The following CC2D1A variants were observed in gnomAD, a reference collection of about 807,000 sequenced individuals.
The protein encoded by CC2D1A is coiled-coil and C2 domain containing 1A.
Under a neutral mutation model 123.8 loss-of-function variants are expected in CC2D1A, and 68 were observed. The observed-to-expected ratio is 0.55, with a 90% confidence interval of 0.45 to 0.67. The LOEUF is 0.67. Ranked by LOEUF, CC2D1A falls within the 30% of genes least tolerant of loss-of-function variation. The pLI is 0.00. For missense variants in CC2D1A, 1,185 were observed against 1,290.3 expected (o/e 0.92, Z 1.25); for synonymous variants, 477 against 528.0 (o/e 0.90, Z 1.32).
chr19:13,925,158 A>G (rs1031017413), intron 17 of CC2D1A, among the ~76,000 whole-genome samples: 1 of 151,790 alleles, frequency 6.6e-6, no homozygotes, highest in Non-Finnish European at 1.5e-5. Flanking sequence ...TGAGTTTTTT[A>G]TTGTTTTTCT....
Position 13,923,516 on chromosome 19 carries a change from T to C in CC2D1A, c.1765-32T>C, listed in dbSNP as rs751564489. 3.1e-6 allele frequency: 5 copies of C among 1,612,092 alleles called. No individual in the cohort carries two copies. The South Asian group carries it at 4.4e-5, about 14-fold the overall frequency. On this transcript the variant is annotated intron_variant, in intron 15 of 28. Transcript: ENST00000318003. This position sits in a 1 kb window ranked among gnomAD's most constrained non-coding sequence, Gnocchi z 5.3. Reference sequence around the variant, plus strand: ...GTGACCCTCCTTCCCCTCTCTTCCCTTCCCTCGACTCACTGCCTTCTGTTT... The same window carrying C: ...GTGACCCTCCTTCCCCTCTCTTCCCCTCCCTCGACTCACTGCCTTCTGTTT...
rs1971661540 is a variant in CC2D1A at position 13,926,850 on chromosome 19, G to T, written c.2103G>T (p.Val701=). The T allele has an allele frequency of 1.3e-5, 21 of 1,614,122 alleles. No individual in the cohort carries two copies. The highest frequency in any genetic ancestry group is 1.8e-5 in the Non-Finnish European group (21 of 1,180,036). ...AAGCTCAGAAAGACAAGACCAGTGT[G>T]ATCAAGAACACAGACTCCCCTGGTG... is the stretch of plus-strand genomic sequence containing the variant. ...VEEAQKDKTS[V]IKNTDSPEFK... The change falls in exon 20 of 29, where the codon GTG becomes GTT. Residue 701 remains valine (V), a synonymous_variant. Coordinates refer to ENST00000318003, the MANE Select transcript of CC2D1A (RefSeq NM_017721.5).
At chr19:13,928,568 C>T (rs1334478374) in intron 24 of CC2D1A, among the ~76,000 whole-genome samples, 2 of 151,892 alleles carry the variant, frequency 1.3e-5, no homozygotes, top group Non-Finnish European at 2.9e-5. Context: ...GCTGTTACCT[C>T]CTCCAGGAAG....
intron 2 of CC2D1A, among the ~76,000 whole-genome samples, chr19:13,910,587 G>A (rs909022224): frequency 1.3e-5 from 2 of 151,920 alleles, no homozygotes; most frequent in African/African-American, 2.4e-5. Flanking sequence ...GAGTCCATAA[G>A]TATTTCACCC....
chr19:13,919,849 C>T lies in CC2D1A; in HGVS notation c.1254C>T (p.Thr418=). 6.2e-7 allele frequency: 1 copy of T among 1,610,466 alleles called. No homozygotes were observed. Among genetic ancestry groups the T allele is most frequent in the Admixed American group, 1.7e-5 (1 of 59,878 alleles). ...GFPPIQGLEA[T]KPTQQSLVGV... ...CCCCAATCCAGGGCCTGGAGGCCAC[C>T]AAGCCCACCCAGCAGAGTCTGGTGG... The change falls in exon 12 of 29, where the codon ACC becomes ACT. Residue 418 remains threonine, a synonymous_variant. Transcript: ENST00000318003.
At chr19:13,920,050 C>T in intron 12 of CC2D1A, 99 bp downstream of exon 12, 1 of 1,245,428 alleles carries the variant, frequency 8.0e-7, no homozygotes, top group Non-Finnish European at 1.1e-6. Flanking sequence ...AGTTTGAGAC[C>T]ATCCTGGGCC....
At chr19:13,920,056 G>A (rs1971355669) in intron 12 of CC2D1A, 105 bp downstream of exon 12, 2 of 1,209,112 alleles carry the variant, frequency 1.7e-6, no homozygotes, top group Middle Eastern at 2.9e-4. Context: ...AGACCATCCT[G>A]GGCCACACAG....
At chr19:13,926,045 C>CGTATATATATATGTATATATATATATAT (rs1568419032) in intron 17 of CC2D1A, among the ~76,000 whole-genome samples, 1 of 108,178 alleles carries the variant, frequency 9.2e-6, no homozygotes, top group African/African-American at 5.6e-5. Context: ...TATATATATA[C>CGTATATATATATGTATATATATATATAT]ACGTATATAT....
chr19:13,919,297 T>A lies in CC2D1A; in HGVS notation c.1222+95T>A, dbSNP rs180774806. ...GCCGCTGGCAGGCTGTGCCCCAAGCTCCTGTTCCTCCAGCCTCTGAGCCTT... is the reference window on the plus strand; with the variant it reads ...GCCGCTGGCAGGCTGTGCCCCAAGCACCTGTTCCTCCAGCCTCTGAGCCTT... On this transcript the variant is annotated intron_variant, in intron 11 of 28. Coordinates refer to ENST00000318003, the MANE Select transcript of CC2D1A (RefSeq NM_017721.5). 4.7e-4 allele frequency: 440 copies of A among 943,428 alleles called. 4 individuals are homozygous for A. The highest frequency in any genetic ancestry group is 3.9e-3 in the Admixed American group (150 of 38,140). 58.4% of individuals were successfully genotyped at this position (943,428 alleles called of 1,614,324 possible).
chr19:13,914,626 G>A (rs1056855796), intron 6 of CC2D1A, among the ~76,000 whole-genome samples: 3 of 149,042 alleles, frequency 2.0e-5, no homozygotes, highest in Admixed American at 6.7e-5. Flanking sequence ...GAGCCACCAC[G>A]CCAGGCCTCA....
chr19:13,911,545 GTTTT>G (rs556216830), intron 2 of CC2D1A, among the ~76,000 whole-genome samples: 2 of 127,294 alleles, frequency 1.6e-5, no homozygotes, highest in African/African-American at 5.8e-5. Flanking sequence ...GTGTGTGTGT[GTTTT>G]TTTTTTTTTT....
chr19:13,926,787 C>T, intron 19 of CC2D1A, 34 bp from the exon 20 acceptor site: 2 of 1,613,948 alleles, frequency 1.2e-6, no homozygotes, highest in African/African-American at 1.3e-5. Context: ...AGGTCCCAGG[C>T]CCCCTAGATT....
chr19:13,916,804 A>G (rs1334122298), intron 6 of CC2D1A, among the ~76,000 whole-genome samples: 1 of 152,084 alleles, frequency 6.6e-6, no homozygotes, highest in Non-Finnish European at 1.5e-5. Context: ...AAAAAAAGAT[A>G]CTGCGTGCCA....
chr19:13,928,172 A>G lies in CC2D1A; in HGVS notation c.2503A>G (p.Arg835Gly). 6.2e-7 allele frequency: 1 copy of G among 1,613,468 alleles called. No homozygotes were observed. Among genetic ancestry groups the G allele is most frequent in the Non-Finnish European group, 8.5e-7 (1 of 1,179,846 alleles). ...GGCCCCTCCTGTGCCTGCCCCTGCA[A>G]GGGAGTCAGGGAACAGGTAGGTATC... is the stretch of plus-strand genomic sequence containing the variant. Reference protein sequence around the residue: ...GKAPPVPAPARESGNRSARPL... With the variant: ...GKAPPVPAPAGESGNRSARPL... The change falls in exon 24 of 29, where the codon AGG (arginine) becomes GGG (glycine). Residue 835 changes from arginine (R) to glycine (G), a missense_variant. By Grantham distance (125) the Arg-to-Gly change is moderately radical. Coordinates refer to ENST00000318003, the MANE Select transcript of CC2D1A (RefSeq NM_017721.5).
rs1479976900 is a variant in CC2D1A, at chr19:13,909,820, T to C, written c.61-3T>C. 6.3e-7 allele frequency: 1 copy of C among 1,589,508 alleles called. No homozygotes were observed. The highest frequency in any genetic ancestry group is 1.1e-5 in the South Asian group (1 of 89,008). ...TCTGACTGAACCCTTGCTGTTCCCC[T>C]AGCTGGGCCTGCTGGTTGACCTCTC... On this transcript the variant is annotated splice_region_variant and splice_polypyrimidine_tract_variant and intron_variant, in intron 1 of 28. Coordinates refer to ENST00000318003, the MANE Select transcript of CC2D1A (RefSeq NM_017721.5).
Position 13,906,497 on chromosome 19 carries a change from G to A in CC2D1A, c.56G>A (p.Arg19His). The change falls in exon 1 of 29, where the codon CGC becomes CAC. Residue 19 changes from arginine to histidine, a missense_variant. Coordinates refer to ENST00000318003, the MANE Select transcript of CC2D1A (RefSeq NM_017721.5). This position sits in a 1 kb window ranked among gnomAD's most constrained non-coding sequence, Gnocchi z 4.1. ...CCGGGCAGAGGCGCCGCGGCCGCCC[G>A]CCAGGTGAGTTTGCGCCCCACGGCC... The part of the protein sequence containing the change: ...GPPGRGAAAA[R>H]QLGLLVDLSP... The A allele has an allele frequency of 6.7e-7, 1 of 1,490,008 alleles. No individual in the cohort carries two copies. 92.3% of individuals were successfully genotyped at this position (1,490,008 alleles called of 1,614,324 possible). A position where few individuals can be genotyped will look rare whatever the true frequency, so the allele number is the denominator to read the frequency against.
At chr19:13,919,677 C>CAAA (rs375915996) in intron 11 of CC2D1A, 141 bp from the exon 12 acceptor site, 9 of 649,910 alleles carry the variant, frequency 1.4e-5, no homozygotes, top group South Asian at 5.3e-5. Flanking sequence ...GATCCTGTCT[C>CAAA]AAAAAAAAAA....
intron 6 of CC2D1A, among the ~76,000 whole-genome samples, chr19:13,916,139 C>T (rs918065697): frequency 2.0e-5 from 3 of 152,142 alleles, no homozygotes; most frequent in Non-Finnish European, 4.4e-5. Context: ...TGCTGGTAGT[C>T]CCAGCCACTC....
chr19:13,928,263 C>T, intron 24 of CC2D1A, 75 bp downstream of exon 24: 1 of 1,338,706 alleles, frequency 7.5e-7, no homozygotes, highest in African/African-American at 1.5e-5. Context: ...AGTTTCCCAC[C>T]AGGCACAAAT....
Sources: gnomAD v4.1 joint callset for allele counts (sites outside exome capture counted in the v4.1 genomes callset) on GRCh38, gnomAD v4.1.1 for gene constraint, Gnocchi (gnomAD v3.1) non-coding constraint, MANE v1.5 for transcripts, NCBI Gene and HGNC (gene_info 2026-07-23, HGNC 2026-07-21) for gene names.